The following MACO1 variants were observed in gnomAD, a reference collection of about 807,000 sequenced individuals.
MACO1 encodes the protein macoilin 1, also known as macoilin.
In MACO1, 14 loss-of-function variants were observed where a neutral mutation model predicts 78.7. That is an observed-to-expected ratio of 0.18 (90% CI 0.12 to 0.28). MACO1 has a LOEUF of 0.28. Ranked by LOEUF, MACO1 falls within the 10% of genes least tolerant of loss-of-function variation. The pLI is 1.00. For missense variants in MACO1, 501 were observed against 799.0 expected, an observed-to-expected ratio of 0.63 and a Z score of 4.50; for synonymous variants, 288 against 291.6, an observed-to-expected ratio of 0.99 and a Z score of 0.12.
chr1:25,491,675 G>T lies in MACO1; in HGVS notation c.1792+91G>T, dbSNP rs917096477. On this transcript the variant is annotated intron_variant, in intron 10 of 10. Transcript: ENST00000374343. ...CCTCTCCTGAGAGCTCTCAACCAAG[G>T]GGCATTTCAGTTTTCTCTTCAAGAG... is the stretch of plus-strand genomic sequence containing the variant. 26 of 1,081,000 alleles carry T rather than the reference G, an allele frequency of 2.4e-5. No individual in the cohort carries two copies. In the East Asian group the frequency reaches 6.3e-4, roughly 26 times the overall value. 67.0% of individuals were successfully genotyped at this position (1,081,000 alleles called of 1,614,324 possible).
chr1:25,483,265 G>A (rs137974724), intron 6 of MACO1, among the ~76,000 whole-genome samples: 1,534 of 152,254 alleles, frequency 0.01, 25 homozygotes, highest in African/African-American at 0.034. Flanking sequence ...TGGCCAGGCC[G>A]GTCTTGAACT....
At chr1:25,456,978 A>T (rs2043127348) in intron 5 of MACO1, 147 bp downstream of exon 5, 1 of 713,742 alleles carries the variant, frequency 1.4e-6, no homozygotes, top group African/African-American at 1.8e-5. Context: ...TTATTTGGTC[A>T]ATGAAATACA....
intron 6 of MACO1, among the ~76,000 whole-genome samples, chr1:25,480,929 A>AAAAAAATATATATAT (rs1553166539): frequency 2.1e-5 from 1 of 47,936 alleles, no homozygotes; most frequent in Non-Finnish European, 3.4e-5. Context: ...AAAAAAAAAA[A>AAAAAAATATATATAT]ATATATATAT....
intron 6 of MACO1, among the ~76,000 whole-genome samples, chr1:25,460,116 A>G (rs1443732971): frequency 1.3e-5 from 2 of 152,174 alleles, no homozygotes; most frequent in African/African-American, 4.8e-5. Context: ...AAACTAAGCG[A>G]GGTATATTTG....
chr1:25,456,267 A>T (rs2043119666), intron 4 of MACO1, among the ~76,000 whole-genome samples: 1 of 152,104 alleles, frequency 6.6e-6, no homozygotes, highest in Non-Finnish European at 1.5e-5. Flanking sequence ...CAAAAAAAAA[A>T]AAAAAAGGGT....
intron 6 of MACO1, among the ~76,000 whole-genome samples, chr1:25,471,884 C>T (rs997244200): frequency 2.0e-5 from 3 of 152,128 alleles, no homozygotes; most frequent in South Asian, 2.1e-4. Context: ...TCCAGCACTC[C>T]GTCAGTAGTT....
In MACO1 at chr1:25,498,737, A is replaced by G. The variant is rs1361224251; in HGVS notation, c.*271A>G. 5.3e-5 allele frequency: 19 copies of G among 360,154 alleles called. No individual in the cohort carries two copies. The highest frequency in any genetic ancestry group is 8.6e-5 in the Admixed American group (2 of 23,234). The allele number at this position is 360,154 out of a possible 1,614,324, so 22.3% of individuals were successfully genotyped here. A position where few individuals can be genotyped will look rare whatever the true frequency, so the allele number is the denominator to read the frequency against. ...ACCATTCTTGGATTTCAAGTAGCCA[A>G]CTTTGCCTTTTATGTATTCTTACAT... On this transcript the variant is annotated 3_prime_UTR_variant, in exon 11 of 11. Coordinates refer to ENST00000374343, the MANE Select transcript of MACO1 (RefSeq NM_018202.6).
At chr1:25,458,976 A>G (rs1388194768) in intron 6 of MACO1, 84 bp downstream of exon 6, 10 of 1,477,890 alleles carry the variant, frequency 6.8e-6, no homozygotes, top group Non-Finnish European at 9.1e-6. Context: ...GCCTGTAGGG[A>G]TTGTTTGTAA....
intron 6 of MACO1, among the ~76,000 whole-genome samples, chr1:25,472,158 G>T (rs913368990): frequency 8.6e-5 from 13 of 151,958 alleles, no homozygotes; most frequent in Non-Finnish European, 1.5e-5. Context: ...CTTTGTCTTT[G>T]TGGTAGCTGG....
At chr1:25,431,451 G>A (rs2042866953) in intron 1 of MACO1, among the ~76,000 whole-genome samples, 2 of 150,398 alleles carry the variant, frequency 1.3e-5, no homozygotes, top group African/African-American at 4.9e-5. Context: ...CGGGCCCGCC[G>A]GGGGGAGGGG....
At chr1:25,495,893 T>A (rs558501606) in intron 10 of MACO1, among the ~76,000 whole-genome samples, 2 of 152,092 alleles carry the variant, frequency 1.3e-5, no homozygotes, top group Non-Finnish European at 2.9e-5. Context: ...ACCCCGAAAG[T>A]GGAGGTTGCA....
chr1:25,483,879 C>A (rs1209700844), intron 6 of MACO1, among the ~76,000 whole-genome samples: 2 of 152,196 alleles, frequency 1.3e-5, no homozygotes, highest in Admixed American at 1.3e-4. Context: ...TCACCTGTCA[C>A]TATTCATAAA....
chr1:25,458,262 T>TA, intron 5 of MACO1, 129 bp from the exon 6 acceptor site: 1 of 1,299,764 alleles, frequency 7.7e-7, no homozygotes. Context: ...GATTAGCGTA[T>TA]AATGAGTGTG....
intron 6 of MACO1, among the ~76,000 whole-genome samples, chr1:25,479,650 C>A (rs1374325518): frequency 2.0e-5 from 3 of 152,292 alleles, no homozygotes; most frequent in East Asian, 3.9e-4. Context: ...CTCAGATGAT[C>A]TGCCCGCCTC....
At chr1:25,460,389 T>G (rs553904575) in intron 6 of MACO1, among the ~76,000 whole-genome samples, 2 of 151,450 alleles carry the variant, frequency 1.3e-5, no homozygotes, top group East Asian at 3.9e-4. Context: ...CTATTTACCA[T>G]CCTTTCTCCT....
At position 25,489,179 on chromosome 1, in the gene MACO1, A is replaced by G; in HGVS notation, c.1503A>G (p.Glu501=). 6.2e-7 allele frequency: 1 copy of G among 1,613,698 alleles called. No homozygotes were observed. The highest frequency in any genetic ancestry group is 2.2e-5 in the East Asian group (1 of 44,876). ...TTCTCTTCTTTTTCAAAAGGGGAGA[A>G]TGCACCGAAACCTTACGGAATCGGA... ...AVAFAAASRG[E]CTETLRNRIR... The change falls in exon 9 of 11, where the codon GAA becomes GAG. Residue 501 remains glutamate, a synonymous_variant. Coordinates refer to ENST00000374343, the MANE Select transcript of MACO1 (RefSeq NM_018202.6).
intron 3 of MACO1, among the ~76,000 whole-genome samples, chr1:25,453,018 T>TC (rs1340524303): frequency 6.7e-6 from 1 of 149,240 alleles, no homozygotes; most frequent in African/African-American, 2.5e-5. Flanking sequence ...TTTTTTTTTT[T>TC]TTTTGAGATG....
chr1:25,434,052 A>G (rs1347074842), intron 1 of MACO1, among the ~76,000 whole-genome samples: 1 of 152,248 alleles, frequency 6.6e-6, no homozygotes, highest in African/African-American at 2.4e-5. Context: ...GGTGACTGTC[A>G]AATGATATCA....
chr1:25,477,340 C>T (rs1312732468), intron 6 of MACO1, among the ~76,000 whole-genome samples: 1 of 151,940 alleles, frequency 6.6e-6, no homozygotes, highest in East Asian at 1.9e-4. Context: ...AGGAGTGGGT[C>T]ATTTTGGCTG....
Sources: gnomAD v4.1 joint callset for allele counts (sites outside exome capture counted in the v4.1 genomes callset) on GRCh38, gnomAD v4.1.1 for gene constraint, MANE v1.5 for transcripts, NCBI Gene and HGNC (gene_info 2026-07-23, HGNC 2026-07-21) for gene names.